PDE6C: variants seen among roughly 807,000 people sequenced by gnomAD.
PDE6C encodes cone cGMP-specific 3',5'-cyclic phosphodiesterase subunit alpha'.
A neutral mutation model predicts 113.1 loss-of-function variants in PDE6C; 75 were observed. The ratio of observed to expected loss-of-function variants is 0.66; its 90% CI spans 0.55 to 0.80. The LOEUF (loss-of-function observed/expected upper bound fraction) is 0.80. Among genes scored for constraint, PDE6C ranks in the 30% least tolerant of loss-of-function variants. PDE6C has a pLI of 0.00. For missense variants in PDE6C, 912 were observed against 1,038.6 expected, an observed-to-expected ratio of 0.88 and a Z score of 1.67; for synonymous variants, 375 against 363.7, an observed-to-expected ratio of 1.03 and a Z score of -0.35.
intron 18 of PDE6C, among the ~76,000 whole-genome samples, chr10:93,659,747 G>A (rs968224477): frequency 2.6e-5 from 4 of 152,166 alleles, no homozygotes; most frequent in Non-Finnish European, 4.4e-5. Context: ...CCATGAATTG[G>A]GAATTATGGG....
chr10:93,653,004 T>C (rs931669696), intron 15 of PDE6C, among the ~76,000 whole-genome samples: 1 of 152,192 alleles, frequency 6.6e-6, no homozygotes, highest in African/African-American at 2.4e-5. Context: ...CCTGCTTTTT[T>C]TCCTAGTATA....
chr10:93,616,902 T>G (rs144984378), intron 1 of PDE6C, among the ~76,000 whole-genome samples: 47 of 152,318 alleles, frequency 3.1e-4, no homozygotes, highest in African/African-American at 1.1e-3. Context: ...TCTGCCCACA[T>G]AGGCCTCCCA....
chr10:93,636,368 TTGTGTGTG>T lies in PDE6C; in HGVS notation c.1414-595_1414-588del, dbSNP rs56143950. Among the ~76,000 whole-genome samples the T allele has an allele frequency of 6.2e-4, 87 of 141,356 alleles. 2 individuals are homozygous for T. The highest frequency in any genetic ancestry group is 1.7e-3 in the African/African-American group (62 of 36,860). 92.7% of individuals were successfully genotyped at this position (141,356 alleles called of 152,430 possible). A position where few individuals can be genotyped will look rare whatever the true frequency, so the allele number is the denominator to read the frequency against. The stretch of plus-strand genomic sequence containing the variant: ...CTCTATTTCTTTTATTTCCCTGGCT[TTGTGTGTG>T]TGTGTGTGTGTGTGTGTGTGTGTGT... On this transcript the variant is annotated intron_variant, in intron 10 of 21. Coordinates refer to ENST00000371447, the MANE Select transcript of PDE6C (RefSeq NM_006204.4).
chr10:93,614,145 G>A (rs1444173922), intron 1 of PDE6C, among the ~76,000 whole-genome samples: 1 of 152,188 alleles, frequency 6.6e-6, no homozygotes, highest in Non-Finnish European at 1.5e-5. Context: ...TTAACAAAAA[G>A]GGAAAAGTGG....
At chr10:93,646,540 T>C (rs568375766) in intron 15 of PDE6C, among the ~76,000 whole-genome samples, 1 of 152,298 alleles carries the variant, frequency 6.6e-6, no homozygotes, top group East Asian at 1.9e-4. Context: ...CACTCCCGGT[T>C]CTGCAGGCTG....
At chr10:93,644,517 T>A (rs2058573908) in intron 14 of PDE6C, among the ~76,000 whole-genome samples, 1 of 152,070 alleles carries the variant, frequency 6.6e-6, no homozygotes, top group Admixed American at 6.6e-5. Flanking sequence ...AATTGAGATA[T>A]CCATCACCTT....
intron 15 of PDE6C, among the ~76,000 whole-genome samples, chr10:93,646,523 T>C (rs923671802): frequency 6.6e-6 from 1 of 151,630 alleles, no homozygotes; most frequent in African/African-American, 2.4e-5. Context: ...AGAAAATAGG[T>C]TTAATTCACT....
rs1347821543 is a variant in PDE6C, at chr10:93,613,161, G to A, written c.436G>A (p.Ala146Thr). Residue 146 changes from alanine (A) to threonine (T), a missense_variant, in exon 1 of 22, where the codon GCT becomes ACT. Transcript: ENST00000371447. The stretch of plus-strand genomic sequence containing the variant: ...ATTGGACATTGGGATAGTGGGTTGG[G>A]CTGCTCACACGAAGAAAACTCATAA... ...FPLDIGIVGW[A>T]AHTKKTHNVP... 3 of 1,613,966 alleles carry A rather than the reference G, an allele frequency of 1.9e-6. No individual in the cohort carries two copies. Among genetic ancestry groups the A allele is most frequent in the Admixed American group, 3.3e-5 (2 of 60,026 alleles).
chr10:93,655,686 T>A (rs554700783), intron 15 of PDE6C, 74 bp from the exon 16 acceptor site: 1 of 791,234 alleles, frequency 1.3e-6, no homozygotes, highest in Non-Finnish European at 2.3e-6. Flanking sequence ...TAGATTTTCT[T>A]CTTGTTAAGC....
At position 93,620,722 on chromosome 10, in the gene PDE6C, C is replaced by G. The variant is rs778229370; in HGVS notation, c.571C>G (p.Leu191Val). 1.2e-6 allele frequency: 2 copies of G among 1,614,154 alleles called. No individual in the cohort carries two copies. Among genetic ancestry groups the G allele is most frequent in the Non-Finnish European group, 1.7e-6 (2 of 1,180,028 alleles). Reference protein sequence around the residue: ...ATPIVVGKEVLAVIMAVNKVN... With the variant: ...ATPIVVGKEVVAVIMAVNKVN... ...CCCGATCGTGGTGGGCAAGGAGGTT[C>G]TTGCTGTGATCATGGCAGTTAACAA... The change falls in exon 2 of 22, where the codon CTT (leucine) becomes GTT (valine). Residue 191 changes from leucine to valine, a missense_variant. Transcript: ENST00000371447.
At chr10:93,627,700 AAAG>A (rs2058480865) in intron 7 of PDE6C, among the ~76,000 whole-genome samples, 1 of 152,228 alleles carries the variant, frequency 6.6e-6, no homozygotes, top group African/African-American at 2.4e-5. Context: ...AAAGTTTAAA[AAAG>A]AATAGGCTGC....
intron 1 of PDE6C, among the ~76,000 whole-genome samples, chr10:93,614,266 C>A (rs2058409055): frequency 6.6e-6 from 1 of 152,126 alleles, no homozygotes; most frequent in Non-Finnish European, 1.5e-5. Flanking sequence ...CCTCCTGAAG[C>A]TGATTATAGG....
rs150636184 is a variant in PDE6C at position 93,621,488 on chromosome 10, T to G, written c.724-444T>G. 2.4e-4 allele frequency among the ~76,000 whole-genome samples: 36 copies of G among 152,352 alleles called. No individual in the cohort carries two copies. The East Asian group carries it at 6.9e-3, about 29-fold the overall frequency. Reference sequence around the variant, plus strand: ...ACCAGTACAATGCACGAGTAGAGGTTGAGAGGGAGGTCCCTTCCCGTTTGA... The same window carrying G: ...ACCAGTACAATGCACGAGTAGAGGTGGAGAGGGAGGTCCCTTCCCGTTTGA... On this transcript the variant is annotated intron_variant, in intron 3 of 21. Coordinates refer to ENST00000371447, the MANE Select transcript of PDE6C (RefSeq NM_006204.4).
intron 1 of PDE6C, among the ~76,000 whole-genome samples, chr10:93,618,215 C>T (rs969738754): frequency 1.3e-5 from 2 of 152,146 alleles, no homozygotes; most frequent in Non-Finnish European, 2.9e-5. Context: ...AACTACTTCT[C>T]ATTCAGGAAA....
intron 8 of PDE6C, among the ~76,000 whole-genome samples, chr10:93,630,166 C>A (rs929039371): frequency 6.6e-6 from 1 of 152,106 alleles, no homozygotes; most frequent in East Asian, 1.9e-4. Context: ...TGTATCCTTC[C>A]TTCTCCACTG....
chr10:93,660,269 C>G (rs182555491), intron 18 of PDE6C, among the ~76,000 whole-genome samples: 86 of 152,206 alleles, frequency 5.7e-4, no homozygotes, highest in African/African-American at 2.0e-3. Flanking sequence ...AATACAGGAG[C>G]CTTCGTGAGG....
At chr10:93,632,997 A>G (rs1350896125) in intron 8 of PDE6C, among the ~76,000 whole-genome samples, 1 of 152,244 alleles carries the variant, frequency 6.6e-6, no homozygotes, top group African/African-American at 2.4e-5. Context: ...GGGAGAGCCA[A>G]GACTTAACAG....
At position 93,631,972 on chromosome 10, in the gene PDE6C, C is replaced by T. The variant is rs571839650; in HGVS notation, c.1119+2667C>T. ...GAATTCCAAAATGAGTCTTCTTGGG[C>T]TAAAATCACGGTGCTGGTGGGACTC... On this transcript the variant is annotated intron_variant, in intron 8 of 21. Transcript: ENST00000371447. Among the ~76,000 whole-genome samples, 79 of 152,314 alleles carry T rather than the reference C, an allele frequency of 5.2e-4. 1 individual carries two copies. Among genetic ancestry groups the T allele is most frequent in the African/African-American group, 1.7e-3 (70 of 41,558 alleles).
At chr10:93,622,210 T>C in intron 4 of PDE6C, 138 bp downstream of exon 4, 2 of 954,204 alleles carry the variant, frequency 2.1e-6, no homozygotes, top group Non-Finnish European at 3.3e-6. Flanking sequence ...GGTAAAAGTG[T>C]GTGTCTTGGA....
Sources: gnomAD v4.1 joint callset for allele counts (sites outside exome capture counted in the v4.1 genomes callset) on GRCh38, gnomAD v4.1.1 for gene constraint, MANE v1.5 for transcripts, NCBI Gene and HGNC (gene_info 2026-07-23, HGNC 2026-07-21) for gene names.